Variants in RBFOX3 observed in about 807,000 individuals in gnomAD.
RBFOX3 encodes the protein RNA binding protein fox-1 homolog 3.
In RBFOX3, 17 loss-of-function variants were observed where a neutral mutation model predicts 48.7. The observed-to-expected ratio is 0.35, with a 90% CI of 0.24 to 0.52. The LOEUF (loss-of-function observed/expected upper bound fraction) is 0.52, where lower values mean the gene tolerates loss of function less well. Ranked by LOEUF, RBFOX3 falls within the 20% of genes least tolerant of loss-of-function variation. The pLI is 0.94. For missense variants in RBFOX3, 382 were observed against 497.5 expected (o/e 0.77, Z 2.21); for synonymous variants, 212 against 209.5 (o/e 1.01, Z -0.10).
At position 79,336,392 on chromosome 17, in the gene RBFOX3, AT is replaced by A. The variant is rs1426949106; in HGVS notation, c.-174-28569del. On this transcript the variant is annotated intron_variant, in intron 2 of 14. Transcript: ENST00000693108. ...ACAGAGTGAGATTTCATCTCAAAAA[AT>A]AAATAAATAAATAAATAAATAAATA... 3.4e-3 allele frequency among the ~76,000 whole-genome samples: 13 copies of A among 3,814 alleles called. No individual in the cohort carries two copies. The Middle Eastern group carries it at 0.15, about 44-fold the overall frequency. The allele number at this position is 3,814 out of a possible 152,430, so 2.5% of individuals were successfully genotyped here.
chr17:79,094,210 C>T (rs1311998631), intron 14 of RBFOX3: 4 of 430,940 alleles, frequency 9.3e-6, no homozygotes, highest in Admixed American at 8.7e-5. Flanking sequence ...CATTGGGGTG[C>T]TTTCCAGAGG....
chr17:79,495,495 AGGGGTGCAGAGGGTGGGG>A (rs2081328595), intron 1 of RBFOX3, among the ~76,000 whole-genome samples: 1 of 34,424 alleles, frequency 2.9e-5, no homozygotes, highest in Non-Finnish European at 5.3e-5. Flanking sequence ...AAGGTGGGGG[AGGGGTGCAGAGGGTGGGG>A]AGGTGGGGGA....
At chr17:79,225,001 A>G (rs74001694) in intron 4 of RBFOX3, among the ~76,000 whole-genome samples, 15,026 of 152,256 alleles carry the variant, frequency 0.099, 1,109 homozygotes, top group African/African-American at 0.21. Context: ...GGTGAAAGGC[A>G]TGACTAGCAT....
At chr17:79,426,549 T>C (rs536033932) in intron 2 of RBFOX3, among the ~76,000 whole-genome samples, 2 of 152,264 alleles carry the variant, frequency 1.3e-5, no homozygotes, top group South Asian at 2.1e-4. Flanking sequence ...GTGAGGGAAC[T>C]GGAGTCCAAA....
intron 1 of RBFOX3, among the ~76,000 whole-genome samples, chr17:79,539,645 C>T (rs2089379507): frequency 6.6e-6 from 1 of 152,160 alleles, no homozygotes; most frequent in African/African-American, 2.4e-5. Flanking sequence ...GAGGTCGCCC[C>T]AGGAGAGTTG....
the RBFOX3 span, among the ~76,000 whole-genome samples, chr17:79,631,332 C>G: frequency 2.0e-5 from 3 of 152,072 alleles, no homozygotes; most frequent in African/African-American, 7.2e-5. Flanking sequence ...AAGAAGGAGA[C>G]ACGGGCAGTG....
chr17:79,189,821 A>G (rs536650071), intron 4 of RBFOX3, among the ~76,000 whole-genome samples: 2 of 152,328 alleles, frequency 1.3e-5, no homozygotes, highest in East Asian at 3.9e-4. Flanking sequence ...AGAGTCCTGA[A>G]TGGCTTGGGA....
Position 79,094,464 on chromosome 17 carries a change from C to A in RBFOX3, c.1064G>T (p.Ser355Ile). The stretch of plus-strand genomic sequence containing the variant: ...TGGGCTCCTTACCATGGTTCCAATG[C>A]TGTAGGTCGCCGCGGGCCCGATGGT... The part of the protein sequence containing the change: ...HHTIGPAATY[S>I]IGTM Residue 355 changes from serine (S) to isoleucine (I), a missense_variant, in exon 14 of 15, where the codon AGC (serine) becomes ATC (isoleucine). By Grantham distance (142) the Ser-to-Ile change is moderately radical. Around this residue, in one of 3 missense-constraint regions of RBFOX3, gnomAD observed 215 missense variants for 254.8 expected, o/e 0.84. Coordinates refer to ENST00000693108, the MANE Select transcript of RBFOX3 (RefSeq NM_001350451.2). 1 of 1,485,746 alleles carries A rather than the reference C, an allele frequency of 6.7e-7. No homozygotes were observed. The highest frequency in any genetic ancestry group is 2.5e-5 in the Admixed American group (1 of 39,902). The allele number at this position is 1,485,746 out of a possible 1,614,324, so 92.0% of individuals were successfully genotyped here. A position where few individuals can be genotyped will look rare whatever the true frequency, so the allele number is the denominator to read the frequency against.
intron 10 of RBFOX3, 89 bp from the exon 11 acceptor site, chr17:79,097,513 C>G: frequency 1.4e-6 from 2 of 1,417,148 alleles, no homozygotes; most frequent in South Asian, 3.0e-5. Context: ...CCCCCGCGCA[C>G]CTAGCCCCCA....
chr17:79,345,932 GTTTT>G (rs1487009998), intron 2 of RBFOX3, among the ~76,000 whole-genome samples: 2 of 151,910 alleles, frequency 1.3e-5, no homozygotes, highest in African/African-American at 4.8e-5. Context: ...TTGTTTGTTT[GTTTT>G]GTTTTTTTGA....
chr17:79,432,968 T>C (rs2068736451), intron 2 of RBFOX3, among the ~76,000 whole-genome samples: 1 of 152,206 alleles, frequency 6.6e-6, no homozygotes. Context: ...CTCCCTCTTC[T>C]CTTGCTCCCC....
intron 2 of RBFOX3, among the ~76,000 whole-genome samples, chr17:79,425,386 G>A (rs1321548220): frequency 6.6e-6 from 1 of 152,174 alleles, no homozygotes; most frequent in Admixed American, 6.5e-5. Flanking sequence ...CCCACAGTGT[G>A]TAGCCAAGCA....
chr17:79,589,711 AGGGGTC>A, intron 1 of RBFOX3, among the ~76,000 whole-genome samples: 1 of 152,194 alleles, frequency 6.6e-6, no homozygotes, highest in South Asian at 2.1e-4. Context: ...GGCAGTGAAG[AGGGGTC>A]ACATGCACCC....
At chr17:79,286,850 G>A (rs925322562) in intron 3 of RBFOX3, among the ~76,000 whole-genome samples, 10 of 152,198 alleles carry the variant, frequency 6.6e-5, no homozygotes, top group Admixed American at 6.5e-5. Flanking sequence ...TGCTGAGGAC[G>A]CCCTGGTGCC....
intron 3 of RBFOX3, among the ~76,000 whole-genome samples, chr17:79,251,285 C>T (rs964277375): frequency 2.0e-5 from 3 of 152,130 alleles, no homozygotes; most frequent in Non-Finnish European, 4.4e-5. Context: ...ATCTTACTAC[C>T]TGGTTACTGG....
chr17:79,228,483 T>C (rs1600118113), intron 4 of RBFOX3, among the ~76,000 whole-genome samples: 3 of 152,190 alleles, frequency 2.0e-5, no homozygotes, highest in South Asian at 2.1e-4. Flanking sequence ...CAGATTTCTT[T>C]CCATTGTCCT....
chr17:79,559,160 CG>C (rs2091998189), intron 1 of RBFOX3, among the ~76,000 whole-genome samples: 1 of 152,042 alleles, frequency 6.6e-6, no homozygotes, highest in Non-Finnish European at 1.5e-5. Flanking sequence ...ATGGGAGGGG[CG>C]GGGGTTGTCT....
chr17:79,187,840 C>T (rs2053718583), intron 4 of RBFOX3, among the ~76,000 whole-genome samples: 2 of 152,096 alleles, frequency 1.3e-5, no homozygotes, highest in Non-Finnish European at 2.9e-5. Context: ...GGATGGGAAA[C>T]CCAGCAGACA....
rs1288505560 is a variant in RBFOX3 at position 79,477,591 on chromosome 17, A to G, written c.-175+4863T>C. Among the ~76,000 whole-genome samples the G allele has an allele frequency of 6.6e-6, 1 of 151,738 alleles. No homozygotes were observed. The highest frequency in any genetic ancestry group is 2.4e-5 in the African/African-American group (1 of 41,330). On this transcript the variant is annotated intron_variant, in intron 2 of 14. Transcript: ENST00000693108. This position sits in a 1 kb window ranked among gnomAD's most constrained non-coding sequence, Gnocchi z 4.8. ...AAAAGAGGAGGAGGAGTAGGAAAAA[A>G]GGGTGAAACAGAAGCAATGGAGTGG... is the stretch of plus-strand genomic sequence containing the variant.
Sources: allele counts gnomAD v4.1 joint callset (sites outside exome capture counted in the v4.1 genomes callset), GRCh38; gene constraint gnomAD v4.1.1; regional missense constraint gnomAD v4.1.1; non-coding constraint Gnocchi (gnomAD v3.1); transcripts MANE v1.5; gene names NCBI Gene and HGNC (gene_info 2026-07-23, HGNC 2026-07-21).